CASZ1: variants seen among roughly 807,000 people sequenced by gnomAD.
CASZ1 encodes the protein zinc finger protein castor homolog 1.
CASZ1 carries 28 observed loss-of-function variants against 135.2 expected under a neutral mutation model. The observed-to-expected ratio is 0.21, with a 90% confidence interval of 0.15 to 0.28. The LOEUF is 0.28. CASZ1 is among the 10% of genes least tolerant of loss of function. The pLI, the probability that CASZ1 is intolerant of heterozygous loss-of-function variation, is 1.00. For synonymous variants in CASZ1, 1,068 were observed against 1,073.4 expected (o/e 0.99, Z 0.10); for missense variants, 2,161 against 2,453.3 (o/e 0.88, Z 2.52).
chr1:10,662,007 C>A (rs1233925362), intron 5 of CASZ1, among the ~76,000 whole-genome samples: 1 of 152,032 alleles, frequency 6.6e-6, no homozygotes, highest in Non-Finnish European at 1.5e-5. Context: ...TCACATACAA[C>A]ACACACATGC....
At chr1:10,656,816 G>T in intron 7 of CASZ1, 80 bp from the exon 8 acceptor site, 2 of 898,494 alleles carry the variant, frequency 2.2e-6, no homozygotes, top group Non-Finnish European at 3.5e-6. Context: ...CCCCAGGGAG[G>T]ACTCTTCGGG....
At position 10,762,083 on chromosome 1, in the gene CASZ1, G is replaced by T. The variant is rs932069870; in HGVS notation, c.-233-1226C>A. ...GGCCCTCAGAGTCCCCGGAGGCCTT[G>T]CAGGAGTGCACGAACCCCTCCCCTC... is the stretch of plus-strand genomic sequence containing the variant. On this transcript the variant is annotated intron_variant, in intron 1 of 20. Coordinates refer to ENST00000377022, the MANE Select transcript of CASZ1 (RefSeq NM_001079843.3). This position sits in a 1 kb window ranked among gnomAD's most constrained non-coding sequence, Gnocchi z 4.1. 6.6e-6 allele frequency among the ~76,000 whole-genome samples: 1 copy of T among 152,174 alleles called. No individual in the cohort carries two copies. The highest frequency in any genetic ancestry group is 6.5e-5 in the Admixed American group (1 of 15,278).
At chr1:10,684,229 A>G (rs1638514330) in intron 4 of CASZ1, among the ~76,000 whole-genome samples, 1 of 151,858 alleles carries the variant, frequency 6.6e-6, no homozygotes, top group African/African-American at 2.4e-5. Flanking sequence ...CATCCTCTCC[A>G]GAAGCCCCGT....
chr1:10,758,316 TTCTC>T (rs141247615), intron 2 of CASZ1, among the ~76,000 whole-genome samples: 1 of 103,406 alleles, frequency 9.7e-6, no homozygotes, highest in East Asian at 2.2e-4. Context: ...CCAGACCCTC[TTCTC>T]TCTCTCTCTT....
intron 6 of CASZ1, among the ~76,000 whole-genome samples, 165 bp from the exon 7 acceptor site, chr1:10,658,741 G>A (rs1040592149): frequency 1.1e-4 from 16 of 152,242 alleles, no homozygotes; most frequent in African/African-American, 3.4e-4. Context: ...GCAGAAGCTG[G>A]CCAGAGGTTC....
intron 15 of CASZ1, chr1:10,648,741 A>T: frequency 3.3e-6 from 1 of 300,836 alleles, no homozygotes; most frequent in South Asian, 7.4e-5. Context: ...GTCACAGCCG[A>T]GTCTCTCCAG....
chr1:10,737,974 CAAAT>C (rs1233543415), intron 2 of CASZ1, among the ~76,000 whole-genome samples: 1 of 152,192 alleles, frequency 6.6e-6, no homozygotes, highest in Non-Finnish European at 1.5e-5. Flanking sequence ...ACTCATTCCA[CAAAT>C]AGTCACTCAA....
chr1:10,672,220 AC>A (rs1203502047), intron 4 of CASZ1, among the ~76,000 whole-genome samples: 3 of 33,756 alleles, frequency 8.9e-5, no homozygotes, highest in South Asian at 1.2e-3. Flanking sequence ...TCCCCCCGCC[AC>A]CCCCTCCCCT....
chr1:10,785,853 G>C (rs1223624605), intron 1 of CASZ1, among the ~76,000 whole-genome samples: 1 of 152,212 alleles, frequency 6.6e-6, no homozygotes, highest in Non-Finnish European at 1.5e-5. Flanking sequence ...GTAAAATAAA[G>C]CTCAAAGTGG....
intron 5 of CASZ1, among the ~76,000 whole-genome samples, chr1:10,661,903 G>A (rs1643044485): frequency 6.9e-6 from 1 of 144,502 alleles, no homozygotes; most frequent in African/African-American, 2.6e-5. Context: ...ACACACATAT[G>A]CATTCTCATA....
chr1:10,670,295 C>A (rs1643360638), intron 4 of CASZ1, among the ~76,000 whole-genome samples: 1 of 152,224 alleles, frequency 6.6e-6, no homozygotes, highest in Non-Finnish European at 1.5e-5. Flanking sequence ...CATAAGGAAG[C>A]AAAGGCCGCG....
At chr1:10,786,141 G>C (rs1640855622) in intron 1 of CASZ1, among the ~76,000 whole-genome samples, 1 of 152,130 alleles carries the variant, frequency 6.6e-6, no homozygotes, top group Non-Finnish European at 1.5e-5. Flanking sequence ...GAGGCCACTG[G>C]CGCCTTGGGC....
chr1:10,660,145 A>G lies in CASZ1; in HGVS notation c.897T>C (p.Ser299=), dbSNP rs774438734. ...ATILPLPSHS[S]VQMQNLVARA... is the part of the protein sequence containing the mutation. ...GGGCTACCAGGTTCTGCATCTGGAC[A>G]CTGCTGTGCGACGGCAGGGGCAGGA... Residue 299 remains serine (S), a synonymous_variant, in exon 6 of 21, where the codon AGT becomes AGC. Transcript: ENST00000377022. The G allele has an allele frequency of 2.2e-5, 35 of 1,613,938 alleles. No homozygotes were observed. The Admixed American group carries it at 5.8e-4, about 27-fold the overall frequency.
At chr1:10,730,417 T>C (rs1639682316) in intron 2 of CASZ1, among the ~76,000 whole-genome samples, 1 of 152,210 alleles carries the variant, frequency 6.6e-6, no homozygotes, top group African/African-American at 2.4e-5. Context: ...ATGCATCCTT[T>C]GAATATTCGG....
intron 2 of CASZ1, among the ~76,000 whole-genome samples, chr1:10,729,414 AC>A (rs1639662526): frequency 7.3e-6 from 1 of 136,662 alleles, no homozygotes; most frequent in Non-Finnish European, 1.6e-5. Context: ...GAACTCCCCC[AC>A]CCCCTTAGCT....
Position 10,639,137 on chromosome 1 carries a change from C to A in CASZ1, c.5085G>T (p.Glu1695Asp). 2.7e-6 allele frequency: 3 copies of A among 1,123,156 alleles called. No individual in the cohort carries two copies. The highest frequency in any genetic ancestry group is 3.3e-6 in the Non-Finnish European group (3 of 900,908). The allele number at this position is 1,123,156 out of a possible 1,614,324, so 69.6% of individuals were successfully genotyped here. Reference sequence around the variant, plus strand: ...CGTCGTCGTCGTCCTCGTCGTCGTCCTCGTCCTCGTCGTCTTCGGCCTCCT... The same window carrying A: ...CGTCGTCGTCGTCCTCGTCGTCGTCATCGTCCTCGTCGTCTTCGGCCTCCT... The part of the protein sequence containing the change: ...PEEEAEDDED[E>D]DDDEDDDDED... The change falls in exon 21 of 21, where the codon GAG becomes GAT. Residue 1695 changes from glutamate (E) to aspartate (D), a missense_variant. Physicochemically the swap from Glu to Asp is conservative, Grantham distance 45. This residue lies in a region of CASZ1 where 185 missense variants were observed against 134.7 expected (regional missense o/e 1.37). Transcript: ENST00000377022. The surrounding 1 kb of genome is among the most constrained non-coding windows in gnomAD (Gnocchi z 4.0).
At chr1:10,736,866 A>ACTGG (rs1239110337) in intron 2 of CASZ1, among the ~76,000 whole-genome samples, 2 of 152,174 alleles carry the variant, frequency 1.3e-5, no homozygotes, top group Non-Finnish European at 1.5e-5. Context: ...GAAGGCAGGG[A>ACTGG]CTGGCACGCC....
rs1300393615 is a variant in CASZ1 at position 10,739,802 on chromosome 1, C to G, written c.-77+20899G>C. ...CTCTCTAGCACATGCCTTTTGCCAC[C>G]TCCCCCACTGGTCCTGGCTCTTCCT... On this transcript the variant is annotated intron_variant, in intron 2 of 20. Coordinates refer to ENST00000377022, the MANE Select transcript of CASZ1 (RefSeq NM_001079843.3). This position sits in a 1 kb window ranked among gnomAD's most constrained non-coding sequence, Gnocchi z 4.8. Among the ~76,000 whole-genome samples, 1 of 152,218 alleles carries G rather than the reference C, an allele frequency of 6.6e-6. No homozygotes were observed. The highest frequency in any genetic ancestry group is 2.4e-5 in the African/African-American group (1 of 41,452).
chr1:10,753,043 AC>A (rs1640178466), intron 2 of CASZ1, among the ~76,000 whole-genome samples: 1 of 152,244 alleles, frequency 6.6e-6, no homozygotes, highest in African/African-American at 2.4e-5. Context: ...ATCTCAAAAA[AC>A]AAAACAAAAC....
Sources: allele counts gnomAD v4.1 joint callset (sites outside exome capture counted in the v4.1 genomes callset), GRCh38; gene constraint gnomAD v4.1.1; regional missense constraint gnomAD v4.1.1; non-coding constraint Gnocchi (gnomAD v3.1); transcripts MANE v1.5; gene names NCBI Gene and HGNC (gene_info 2026-07-23, HGNC 2026-07-21).